The following TMC1 variants were observed in gnomAD, a reference collection of about 807,000 sequenced individuals.
TMC1 encodes transmembrane channel like 1.
Under a neutral mutation model 105.8 loss-of-function variants are expected in TMC1, and 84 were observed. The observed-to-expected ratio is 0.79, with a 90% CI of 0.67 to 0.95. The LOEUF (loss-of-function observed/expected upper bound fraction) is 0.95. TMC1 is among the 40% of genes least tolerant of loss of function. The probability of loss-of-function intolerance (pLI) is 0.00; values close to 1 mark genes in which losing one functional copy is unlikely to be tolerated. For synonymous variants in TMC1, 315 were observed against 311.5 expected, an observed-to-expected ratio of 1.01 and a Z score of -0.12; for missense variants, 817 against 914.1, an observed-to-expected ratio of 0.89 and a Z score of 1.37.
At chr9:72,553,348 GTTATTA>G (rs1258080700) in intron 1 of TMC1, among the ~76,000 whole-genome samples, 1 of 152,068 alleles carries the variant, frequency 6.6e-6, no homozygotes. Context: ...TTTCCATGTT[GTTATTA>G]TTATTATTAT....
chr9:72,707,969 C>A (rs1409120500), intron 8 of TMC1, among the ~76,000 whole-genome samples: 1 of 152,052 alleles, frequency 6.6e-6, no homozygotes, highest in Non-Finnish European at 1.5e-5. Context: ...GTTTTATTCT[C>A]CTGCATGTGG....
intron 5 of TMC1, among the ~76,000 whole-genome samples, chr9:72,683,732 T>TG (rs1483576251): frequency 1.6e-5 from 1 of 60,954 alleles, no homozygotes; most frequent in Non-Finnish European, 3.0e-5. Flanking sequence ...AGTTACACAT[T>TG]TTATATATAT....
At chr9:72,532,867 CAG>C (rs894807547) in intron 1 of TMC1, among the ~76,000 whole-genome samples, 6 of 152,278 alleles carry the variant, frequency 3.9e-5, no homozygotes, top group African/African-American at 1.2e-4. Context: ...GAATGCCTAA[CAG>C]GGGAAAGGCA....
At chr9:72,751,010 T>C (rs10481772) in intron 10 of TMC1, among the ~76,000 whole-genome samples, 31,690 of 152,112 alleles carry the variant, frequency 0.21, 4,323 homozygotes, top group African/African-American at 0.39. Context: ...TCTGATGTTC[T>C]TTCCTTGACA....
chr9:72,625,927 T>G (rs937371737), intron 3 of TMC1, among the ~76,000 whole-genome samples: 4 of 152,200 alleles, frequency 2.6e-5, no homozygotes, highest in Non-Finnish European at 5.9e-5. Context: ...GAGAATGACA[T>G]GGCTTAGCTG....
intron 2 of TMC1, among the ~76,000 whole-genome samples, chr9:72,590,422 C>T (rs1824618509): frequency 6.6e-6 from 1 of 152,202 alleles, no homozygotes; most frequent in South Asian, 2.1e-4. Flanking sequence ...AGTGAAAGAG[C>T]TCTCTCCAAG....
chr9:72,795,749 TA>T (rs1828353558), intron 17 of TMC1, among the ~76,000 whole-genome samples: 1 of 152,006 alleles, frequency 6.6e-6, no homozygotes, highest in Admixed American at 6.5e-5. Context: ...CAAGCCAGCA[TA>T]ATAATCAGTG....
chr9:72,808,102 T>C (rs1324306193), intron 18 of TMC1, among the ~76,000 whole-genome samples: 1 of 152,246 alleles, frequency 6.6e-6, no homozygotes, highest in East Asian at 1.9e-4. Context: ...TTCCAGTGGC[T>C]TCTCAAGTAC....
chr9:72,706,902 G>A (rs1000498242), intron 8 of TMC1, among the ~76,000 whole-genome samples: 2 of 151,888 alleles, frequency 1.3e-5, no homozygotes, highest in African/African-American at 4.8e-5. Context: ...AGCCTCCTGA[G>A]TAGCTGGGAT....
At chr9:72,693,958 T>C (rs2132189011) in intron 6 of TMC1, among the ~76,000 whole-genome samples, 1 of 149,444 alleles carries the variant, frequency 6.7e-6, no homozygotes, top group Non-Finnish European at 1.5e-5. Context: ...GTATACTACT[T>C]TTTTTTTTAA....
intron 1 of TMC1, among the ~76,000 whole-genome samples, chr9:72,577,073 A>G (rs1302576038): frequency 6.6e-6 from 1 of 152,112 alleles, no homozygotes; most frequent in African/African-American, 2.4e-5. Flanking sequence ...ATGAAGCTAC[A>G]GCATACAATT....
intron 1 of TMC1, among the ~76,000 whole-genome samples, chr9:72,559,679 A>T (rs1285576201): frequency 6.6e-6 from 1 of 152,236 alleles, no homozygotes; most frequent in East Asian, 1.9e-4. Context: ...CTGCAAAGCA[A>T]GTAATAAAAT....
chr9:72,581,079 T>C (rs1242987320), intron 2 of TMC1, among the ~76,000 whole-genome samples: 1 of 152,220 alleles, frequency 6.6e-6, no homozygotes, highest in African/African-American at 2.4e-5. Context: ...AAAGAATTTT[T>C]ATGCTATTTG....
At chr9:72,716,485 A>G (rs1787433375) in intron 8 of TMC1, among the ~76,000 whole-genome samples, 1 of 152,158 alleles carries the variant, frequency 6.6e-6, no homozygotes, top group Non-Finnish European at 1.5e-5. Context: ...CTAGAGAGGC[A>G]GTTTGGGTGC....
At chr9:72,622,491 T>C (rs1825270954) in intron 3 of TMC1, among the ~76,000 whole-genome samples, 1 of 152,238 alleles carries the variant, frequency 6.6e-6, no homozygotes, top group East Asian at 1.9e-4. Context: ...CTAGAAATAA[T>C]AGCTCCTTTT....
chr9:72,789,231 G>A lies in TMC1; in HGVS notation c.1138G>A (p.Gly380Arg). The A allele has an allele frequency of 6.2e-7, 1 of 1,613,996 alleles. No individual in the cohort carries two copies. Among genetic ancestry groups the A allele is most frequent in the Non-Finnish European group, 8.5e-7 (1 of 1,179,934 alleles). Residue 380 changes from glycine to arginine, a missense_variant, in exon 15 of 24, where the codon GGA becomes AGA. Transcript: ENST00000297784. Reference sequence around the variant, plus strand: ...CGTGTTTCTAACACTTGGAGGGAGTGGATACCTCATCTTTTGGGCTGTGAA... The same window carrying A: ...CGTGTTTCTAACACTTGGAGGGAGTAGATACCTCATCTTTTGGGCTGTGAA... ...FFVFLTLGGS[G>R]YLIFWAVKRS...
chr9:72,565,089 A>T (rs555949177), intron 1 of TMC1, among the ~76,000 whole-genome samples: 1 of 152,340 alleles, frequency 6.6e-6, no homozygotes, highest in Admixed American at 6.5e-5. Context: ...TTTACTCAGT[A>T]TTGGGCAGTT....
chr9:72,758,857 C>T (rs546150638), intron 12 of TMC1, among the ~76,000 whole-genome samples: 8 of 152,144 alleles, frequency 5.3e-5, no homozygotes, highest in Admixed American at 3.9e-4. Context: ...CTTATATGGG[C>T]AGGCACTGTG....
intron 18 of TMC1, among the ~76,000 whole-genome samples, chr9:72,809,903 G>T (rs1828669367): frequency 6.6e-6 from 1 of 151,962 alleles, no homozygotes; most frequent in Admixed American, 6.6e-5. Flanking sequence ...TATAAATAGA[G>T]AAATCAATTG....
Sources: allele counts gnomAD v4.1 joint callset (sites outside exome capture counted in the v4.1 genomes callset), GRCh38; gene constraint gnomAD v4.1.1; transcripts MANE v1.5; gene names NCBI Gene and HGNC (gene_info 2026-07-23, HGNC 2026-07-21).